Variants in SPSB4 observed in about 807,000 individuals in gnomAD.
The protein encoded by SPSB4 is SPRY domain-containing SOCS box protein 4.
Under a neutral mutation model 20.9 loss-of-function variants are expected in SPSB4, and 21 were observed. That is an observed-to-expected ratio of 1.01 (90% CI 0.71 to 1.45). The LOEUF is 1.45. Among genes scored for constraint, SPSB4 ranks in the 40% most tolerant of loss-of-function variants. SPSB4 has a pLI of 0.00. For missense variants in SPSB4, 399 were observed against 399.2 expected, an observed-to-expected ratio of 1.00 and a Z score of 0.00; for synonymous variants, 207 against 183.8, an observed-to-expected ratio of 1.13 and a Z score of -1.02.
intron 2 of SPSB4, among the ~76,000 whole-genome samples, chr3:141,104,890 G>T (rs1411015160): frequency 2.6e-5 from 4 of 152,206 alleles, no homozygotes; most frequent in Admixed American, 2.0e-4. Flanking sequence ...CCTTTTAAAA[G>T]AATTCTGTGC....
chr3:141,135,426 A>T (rs968417868), intron 2 of SPSB4, among the ~76,000 whole-genome samples: 4 of 151,766 alleles, frequency 2.6e-5, no homozygotes, highest in Non-Finnish European at 4.4e-5. Flanking sequence ...TACATGTGCC[A>T]TGTTGGTGTG....
chr3:141,094,126 A>G (rs4683392), intron 2 of SPSB4, among the ~76,000 whole-genome samples: 27,133 of 152,168 alleles, frequency 0.18, 3,053 homozygotes, highest in African/African-American at 0.3. Context: ...TTGCTGCCTG[A>G]GGTCGGCTGG....
chr3:141,145,767 C>CT (rs1393149064), intron 2 of SPSB4, among the ~76,000 whole-genome samples: 12 of 152,174 alleles, frequency 7.9e-5, no homozygotes, highest in Admixed American at 7.2e-4. Context: ...CCATCATCAT[C>CT]TTCCTTCCAG....
chr3:141,064,342 G>A (rs939642490), intron 1 of SPSB4, among the ~76,000 whole-genome samples: 1 of 152,168 alleles, frequency 6.6e-6, no homozygotes, highest in African/African-American at 2.4e-5. Flanking sequence ...TGGATTTTGG[G>A]TGATTTCGGA....
At chr3:141,096,258 G>A (rs144189100) in intron 2 of SPSB4, among the ~76,000 whole-genome samples, 33 of 152,322 alleles carry the variant, frequency 2.2e-4, no homozygotes, top group Admixed American at 9.8e-4. Flanking sequence ...TGGCACATGA[G>A]TTTAGTGACC....
intron 2 of SPSB4, among the ~76,000 whole-genome samples, chr3:141,088,368 G>C (rs35409304): frequency 0.36 from 54,522 of 152,186 alleles, 13,476 homozygotes; most frequent in African/African-American, 0.7. Flanking sequence ...ATTTTCCTGC[G>C]TCTTTGCGCT....
chr3:141,071,276 G>A (rs1004055448), intron 2 of SPSB4, among the ~76,000 whole-genome samples: 2 of 151,674 alleles, frequency 1.3e-5, no homozygotes, highest in Non-Finnish European at 2.9e-5. Context: ...ACATGCAGGC[G>A]GCAGGAGGGC....
chr3:141,134,402 A>AG (rs1399791441), intron 2 of SPSB4, among the ~76,000 whole-genome samples: 1 of 152,186 alleles, frequency 6.6e-6, no homozygotes, highest in African/African-American at 2.4e-5. Flanking sequence ...TCTAGTTCTC[A>AG]GGGGGAATGC....
chr3:141,104,576 C>G (rs531857614), intron 2 of SPSB4, among the ~76,000 whole-genome samples: 1 of 152,102 alleles, frequency 6.6e-6, no homozygotes, highest in Non-Finnish European at 1.5e-5. Context: ...GATGGCCAGG[C>G]GGGAATGAAA....
At chr3:141,142,803 CTTTTTTTTTTTT>C (rs57674247) in intron 2 of SPSB4, among the ~76,000 whole-genome samples, 118 of 62,024 alleles carry the variant, frequency 1.9e-3, no homozygotes, top group Non-Finnish European at 2.5e-3. Context: ...CCCTCTTTGT[CTTTTTTTTTTTT>C]TTTTTTTTTT....
intron 2 of SPSB4, among the ~76,000 whole-genome samples, chr3:141,126,398 C>T (rs991154934): frequency 6.6e-6 from 1 of 152,182 alleles, no homozygotes; most frequent in African/African-American, 2.4e-5. Flanking sequence ...GAAGACGGAG[C>T]AGCCTGTTGG....
intron 2 of SPSB4, among the ~76,000 whole-genome samples, chr3:141,138,987 A>T (rs1232996810): frequency 2.0e-5 from 3 of 152,104 alleles, no homozygotes; most frequent in Admixed American, 6.6e-5. Context: ...TTTGTAGGTT[A>T]CTAAGGACTT....
At chr3:141,073,859 G>A (rs553296066) in intron 2 of SPSB4, among the ~76,000 whole-genome samples, 2 of 152,280 alleles carry the variant, frequency 1.3e-5, no homozygotes, top group South Asian at 2.1e-4. Context: ...CCAAGCAGAG[G>A]CTGCTTGATG....
At chr3:141,074,019 C>T (rs1434017044) in intron 2 of SPSB4, among the ~76,000 whole-genome samples, 1 of 152,208 alleles carries the variant, frequency 6.6e-6, no homozygotes, top group Non-Finnish European at 1.5e-5. Flanking sequence ...AGTCATAATT[C>T]GGTTCATGGA....
In SPSB4 at chr3:141,148,458, A is replaced by G. The variant is rs1939454303; in HGVS notation, c.*1189A>G. The G allele has an allele frequency of 1.3e-5, 2 of 152,770 alleles. No individual in the cohort carries two copies. The highest frequency in any genetic ancestry group is 4.8e-5 in the African/African-American group (2 of 41,430). The allele number at this position is 152,770 out of a possible 1,614,324, so 9.5% of individuals were successfully genotyped here. ...TATATGTTTCAGACACTCTCTGCCC[A>G]GACTCATTTTTAACTGGAAATCATC... On this transcript the variant is annotated 3_prime_UTR_variant, in exon 3 of 3. Transcript: ENST00000310546. This position sits in a 1 kb window ranked among gnomAD's most constrained non-coding sequence, Gnocchi z 4.5.
intron 2 of SPSB4, among the ~76,000 whole-genome samples, chr3:141,143,359 G>C (rs1378687197): frequency 6.6e-6 from 1 of 152,198 alleles, no homozygotes; most frequent in Non-Finnish European, 1.5e-5. Flanking sequence ...GGCTACCTGA[G>C]AGCTGGACTG....
intron 1 of SPSB4, among the ~76,000 whole-genome samples, chr3:141,062,391 G>A (rs60450739): frequency 0.014 from 2,112 of 151,848 alleles, 48 homozygotes; most frequent in African/African-American, 0.048. Context: ...ATGTTTTATT[G>A]ATTTTGTTTT....
intron 1 of SPSB4, among the ~76,000 whole-genome samples, chr3:141,055,608 G>A (rs994060970): frequency 1.3e-5 from 2 of 152,216 alleles, no homozygotes; most frequent in Admixed American, 6.5e-5. Flanking sequence ...TAAGAGACCA[G>A]TGGAGTAATC....
At chr3:141,108,947 C>T (rs886960300) in intron 2 of SPSB4, among the ~76,000 whole-genome samples, 12 of 152,266 alleles carry the variant, frequency 7.9e-5, no homozygotes, top group African/African-American at 2.4e-4. Flanking sequence ...AAGGTGCATA[C>T]GAGGAAGAGA....
Sources: gnomAD v4.1 joint callset for allele counts (sites outside exome capture counted in the v4.1 genomes callset) on GRCh38, gnomAD v4.1.1 for gene constraint, Gnocchi (gnomAD v3.1) non-coding constraint, MANE v1.5 for transcripts, NCBI Gene and HGNC (gene_info 2026-07-23, HGNC 2026-07-21) for gene names.